The following CDH12 variants were observed in gnomAD, a reference collection of about 807,000 sequenced individuals.
CDH12 encodes cadherin-12.
Under a neutral mutation model 74.1 loss-of-function variants are expected in CDH12, and 41 were observed. That is an observed-to-expected ratio of 0.55 (90% confidence interval 0.43 to 0.72). The LOEUF is 0.72. Among genes scored for constraint, CDH12 ranks in the 30% least tolerant of loss-of-function variants. CDH12 has a pLI of 0.00. For missense variants in CDH12, 945 were observed against 977.2 expected, an observed-to-expected ratio of 0.97 and a Z score of 0.44; for synonymous variants, 399 against 355.0, an observed-to-expected ratio of 1.12 and a Z score of -1.39.
At chr5:22,127,084 G>A (rs928931537) in intron 4 of CDH12, among the ~76,000 whole-genome samples, 2 of 152,178 alleles carry the variant, frequency 1.3e-5, no homozygotes, top group Non-Finnish European at 2.9e-5. Flanking sequence ...CATATTCATA[G>A]CATGCCGCAG....
At position 22,539,039 on chromosome 5, in the gene CDH12, G is replaced by C. The variant is rs112965060; in HGVS notation, c.-522-33675C>G. On this transcript the variant is annotated intron_variant, in intron 1 of 14. Transcript: ENST00000382254. ...GCCTCCTGAGTAGCTGGGATTACAG[G>C]TGCAAGCCACTGTGCCCAACTGCAG... Among the ~76,000 whole-genome samples, 1,222 of 152,274 alleles carry C rather than the reference G, an allele frequency of 8.0e-3. 18 individuals carry two copies. Among genetic ancestry groups the C allele is most frequent in the African/African-American group, 0.027 (1,139 of 41,554 alleles).
intron 2 of CDH12, among the ~76,000 whole-genome samples, chr5:22,444,012 T>G (rs1375208052): frequency 2.0e-5 from 3 of 152,026 alleles, no homozygotes; most frequent in Non-Finnish European, 4.4e-5. Context: ...AGAGCAACAA[T>G]AGGATTGAGT....
At chr5:22,377,621 T>C (rs1171883120) in intron 3 of CDH12, among the ~76,000 whole-genome samples, 2 of 152,236 alleles carry the variant, frequency 1.3e-5, no homozygotes, top group African/African-American at 4.8e-5. Flanking sequence ...CATTCCTTCC[T>C]GGGCATCTGG....
At chr5:22,135,209 C>A (rs6877887) in intron 4 of CDH12, among the ~76,000 whole-genome samples, 660 of 118,926 alleles carry the variant, frequency 5.5e-3, no homozygotes, top group Non-Finnish European at 5.9e-3. Context: ...AACACATAAG[C>A]AAAAAAAAAA....
At chr5:22,216,515 T>C (rs1751808772) in intron 3 of CDH12, among the ~76,000 whole-genome samples, 1 of 151,956 alleles carries the variant, frequency 6.6e-6, no homozygotes, top group South Asian at 2.1e-4. Context: ...TTAATTATTT[T>C]AAATGGATCT....
At chr5:22,767,393 T>A (rs183031231) in intron 1 of CDH12, among the ~76,000 whole-genome samples, 1 of 152,186 alleles carries the variant, frequency 6.6e-6, no homozygotes, top group African/African-American at 2.4e-5. Flanking sequence ...AACATTATTT[T>A]ATGATATGAT....
chr5:22,636,600 T>A (rs532824096), intron 1 of CDH12, among the ~76,000 whole-genome samples: 1 of 152,174 alleles, frequency 6.6e-6, no homozygotes, highest in Non-Finnish European at 1.5e-5. Context: ...TAGATCTATA[T>A]AAAAATGTCT....
chr5:22,836,911 T>C (rs990829863), intron 1 of CDH12, among the ~76,000 whole-genome samples: 3 of 152,166 alleles, frequency 2.0e-5, no homozygotes, highest in Non-Finnish European at 4.4e-5. Flanking sequence ...TTCATGCCAA[T>C]GGAACTATCA....
At chr5:22,847,348 C>T (rs758002727) in intron 1 of CDH12, among the ~76,000 whole-genome samples, 7 of 152,120 alleles carry the variant, frequency 4.6e-5, no homozygotes, top group Non-Finnish European at 7.4e-5. Flanking sequence ...CAATCACATC[C>T]CTTAAAATAA....
chr5:22,526,220 A>C (rs983688236), intron 1 of CDH12, among the ~76,000 whole-genome samples: 8 of 152,194 alleles, frequency 5.3e-5, no homozygotes, highest in African/African-American at 1.9e-4. Context: ...AGAAAAAGCA[A>C]ACGTTACTTC....
At chr5:21,935,874 C>T (rs1366428072) in intron 6 of CDH12, among the ~76,000 whole-genome samples, 1 of 152,202 alleles carries the variant, frequency 6.6e-6, no homozygotes, top group Non-Finnish European at 1.5e-5. Context: ...GCTTGTTTCA[C>T]TTAACATAAT....
chr5:22,585,891 G>A (rs1201333751), intron 1 of CDH12, among the ~76,000 whole-genome samples: 2 of 152,092 alleles, frequency 1.3e-5, no homozygotes, highest in African/African-American at 2.4e-5. Flanking sequence ...CACTGTTGGT[G>A]GGACTGTTAA....
At chr5:22,526,022 T>G (rs2126694048) in intron 1 of CDH12, among the ~76,000 whole-genome samples, 1 of 152,316 alleles carries the variant, frequency 6.6e-6, no homozygotes, top group South Asian at 2.1e-4. Context: ...TCTCTACTGG[T>G]CTGCCTTGTA....
intron 3 of CDH12, among the ~76,000 whole-genome samples, chr5:22,345,154 G>T (rs1740057533): frequency 6.6e-6 from 1 of 152,030 alleles, no homozygotes; most frequent in African/African-American, 2.4e-5. Context: ...TTCCTATTCT[G>T]ACAATTACTC....
At chr5:22,315,478 T>C (rs1001675404) in intron 3 of CDH12, among the ~76,000 whole-genome samples, 13 of 152,042 alleles carry the variant, frequency 8.6e-5, no homozygotes. Context: ...TGAAGAAACA[T>C]AGTATTACCT....
chr5:22,334,174 G>GA (rs764818397), intron 3 of CDH12, among the ~76,000 whole-genome samples: 1 of 151,974 alleles, frequency 6.6e-6, no homozygotes, highest in Non-Finnish European at 1.5e-5. Flanking sequence ...AATTGGAAAG[G>GA]AAGAAGTCAA....
chr5:22,530,653 A>G (rs575354787), intron 1 of CDH12, among the ~76,000 whole-genome samples: 1 of 152,188 alleles, frequency 6.6e-6, no homozygotes, highest in South Asian at 2.1e-4. Flanking sequence ...GATAAAAATA[A>G]TAATATATTT....
chr5:22,073,146 A>T (rs896840068), intron 5 of CDH12, among the ~76,000 whole-genome samples: 1 of 152,144 alleles, frequency 6.6e-6, no homozygotes, highest in Non-Finnish European at 1.5e-5. Flanking sequence ...TTATTCCTAT[A>T]GGCTTAATAC....
At chr5:22,716,839 A>T (rs557772102) in intron 1 of CDH12, among the ~76,000 whole-genome samples, 57 of 152,176 alleles carry the variant, frequency 3.7e-4, no homozygotes, top group African/African-American at 1.3e-3. Context: ...AAAAGTAAAC[A>T]TCAAATAAAT....
Sources: allele counts gnomAD v4.1 joint callset (sites outside exome capture counted in the v4.1 genomes callset), GRCh38; gene constraint gnomAD v4.1.1; transcripts MANE v1.5; gene names NCBI Gene and HGNC (gene_info 2026-07-23, HGNC 2026-07-21).